Variants in MAML3 observed in about 807,000 individuals in gnomAD.
MAML3 encodes the protein mastermind like transcriptional coactivator 3, also known as mastermind-like protein 3.
MAML3 carries 27 observed loss-of-function variants against 101.9 expected under a neutral mutation model. That is an observed-to-expected ratio of 0.27 (90% CI 0.20 to 0.37). The LOEUF (loss-of-function observed/expected upper bound fraction) is 0.37, where lower values mean the gene tolerates loss of function less well. Ranked by LOEUF, MAML3 falls within the 10% of genes least tolerant of loss-of-function variation. The pLI is 1.00. For synonymous variants in MAML3, 501 were observed against 555.9 expected (o/e 0.90, Z 1.39); for missense variants, 1,316 against 1,444.9 (o/e 0.91, Z 1.45).
At chr4:140,049,136 C>G (rs1442187856) in intron 1 of MAML3, among the ~76,000 whole-genome samples, 1 of 152,148 alleles carries the variant, frequency 6.6e-6, no homozygotes, top group African/African-American at 2.4e-5. Flanking sequence ...AGAGAAGCTA[C>G]CACTCCTTTT....
At chr4:139,918,424 G>A (rs570317882) in intron 1 of MAML3, among the ~76,000 whole-genome samples, 108 of 152,196 alleles carry the variant, frequency 7.1e-4, no homozygotes, top group Admixed American at 3.5e-3. Flanking sequence ...CGTGGAACAC[G>A]CTTATCCCAG....
intron 1 of MAML3, among the ~76,000 whole-genome samples, chr4:140,001,401 A>G (rs1388628220): frequency 6.6e-6 from 1 of 152,230 alleles, no homozygotes; most frequent in Middle Eastern, 3.2e-3. Context: ...CAGTAAAAGA[A>G]GAGCCAAGTG....
intron 2 of MAML3, among the ~76,000 whole-genome samples, chr4:139,850,102 C>T (rs917720212): frequency 1.3e-5 from 2 of 152,024 alleles, no homozygotes; most frequent in Admixed American, 6.6e-5. Flanking sequence ...CAGTATATTT[C>T]CCCCCCTACA....
At chr4:139,748,498 A>G (rs1729394191) in intron 2 of MAML3, among the ~76,000 whole-genome samples, 1 of 152,202 alleles carries the variant, frequency 6.6e-6, no homozygotes, top group Non-Finnish European at 1.5e-5. Flanking sequence ...GAACAGGACA[A>G]AATGCATCAG....
At position 139,876,507 on chromosome 4, in the gene MAML3, G is replaced by C. The variant is rs998580473; in HGVS notation, c.2079+12850C>G. On this transcript the variant is annotated intron_variant, in intron 2 of 4. Coordinates refer to ENST00000509479, the MANE Select transcript of MAML3 (RefSeq NM_018717.5). ...TACCAGGAAGGCTGCAATACACTCA[G>C]ATGTGAATCGCCTCCTGTTCCAGGG... Among the ~76,000 whole-genome samples the C allele has an allele frequency of 3.3e-5, 5 of 152,346 alleles. No homozygotes were observed. The South Asian group carries it at 1.0e-3, about 32-fold the overall frequency.
At chr4:140,051,852 G>A (rs932334360) in intron 1 of MAML3, among the ~76,000 whole-genome samples, 1 of 152,100 alleles carries the variant, frequency 6.6e-6, no homozygotes, top group Non-Finnish European at 1.5e-5. Context: ...GCTAGTGGAG[G>A]CGCCGGGATA....
intron 1 of MAML3, among the ~76,000 whole-genome samples, chr4:139,977,342 T>C (rs1432068046): frequency 3.9e-5 from 6 of 152,106 alleles, no homozygotes; most frequent in African/African-American, 1.4e-4. Flanking sequence ...AAAATGCTGA[T>C]AGTGCCGAGG....
intron 1 of MAML3, among the ~76,000 whole-genome samples, chr4:139,984,359 T>A (rs1436329018): frequency 6.6e-6 from 1 of 152,088 alleles, no homozygotes; most frequent in Non-Finnish European, 1.5e-5. Context: ...GTAACCAAGG[T>A]GCTAAAATTA....
At chr4:140,123,057 G>T (rs1394959584) in intron 1 of MAML3, among the ~76,000 whole-genome samples, 1 of 149,900 alleles carries the variant, frequency 6.7e-6, no homozygotes, top group Non-Finnish European at 1.5e-5. Flanking sequence ...TAGAAATTCT[G>T]AGCATTTCAA....
At chr4:139,958,311 C>A (rs1169374061) in intron 1 of MAML3, among the ~76,000 whole-genome samples, 1 of 152,192 alleles carries the variant, frequency 6.6e-6, no homozygotes, top group Non-Finnish European at 1.5e-5. Context: ...TCTCTGAATT[C>A]TGTCATCATT....
At chr4:140,087,388 T>TA (rs1371904409) in intron 1 of MAML3, among the ~76,000 whole-genome samples, 1 of 152,240 alleles carries the variant, frequency 6.6e-6, no homozygotes, top group Admixed American at 6.5e-5. Context: ...GACATTCTGT[T>TA]ATTTGGGAAT....
At chr4:140,040,246 G>A (rs1397484309) in intron 1 of MAML3, among the ~76,000 whole-genome samples, 1 of 152,208 alleles carries the variant, frequency 6.6e-6, no homozygotes, top group Non-Finnish European at 1.5e-5. Flanking sequence ...AGTGTTGAGA[G>A]CAGCTCCAAT....
intron 1 of MAML3, among the ~76,000 whole-genome samples, chr4:140,143,295 C>G (rs1015140710): frequency 6.6e-6 from 1 of 152,152 alleles, no homozygotes; most frequent in African/African-American, 2.4e-5. Flanking sequence ...GGCTTGTGCA[C>G]GAGTGAAATA....
intron 1 of MAML3, among the ~76,000 whole-genome samples, chr4:139,935,067 A>T (rs1454962626): frequency 6.6e-6 from 1 of 152,106 alleles, no homozygotes; most frequent in African/African-American, 2.4e-5. Context: ...TATCCACTCA[A>T]TTAGAAGGTA....
chr4:139,762,822 G>A (rs953571828), intron 2 of MAML3, among the ~76,000 whole-genome samples: 2 of 152,190 alleles, frequency 1.3e-5, no homozygotes, highest in African/African-American at 4.8e-5. Flanking sequence ...ATCTGACGGG[G>A]CTTTAATCTG....
chr4:139,990,466 A>G (rs1420131587), intron 1 of MAML3, among the ~76,000 whole-genome samples: 1 of 131,930 alleles, frequency 7.6e-6, no homozygotes, highest in Non-Finnish European at 1.7e-5. Flanking sequence ...CAAAAACTGG[A>G]AGCATTCCCT....
At chr4:140,144,836 C>A (rs1436561817) in intron 1 of MAML3, among the ~76,000 whole-genome samples, 1 of 152,212 alleles carries the variant, frequency 6.6e-6, no homozygotes, top group Non-Finnish European at 1.5e-5. Flanking sequence ...GATATCCATT[C>A]TAGGTGATGC....
At position 140,027,956 on chromosome 4, in the gene MAML3, G is replaced by A. The variant is rs1726851943; in HGVS notation, c.468+124904C>T. ...TAGATTTATGCTGTTTGTAGCTCTT[G>A]GCTCTAATACCTCATAGATGTTCAC... is the stretch of plus-strand genomic sequence containing the variant. On this transcript the variant is annotated intron_variant, in intron 1 of 4. Coordinates refer to ENST00000509479, the MANE Select transcript of MAML3 (RefSeq NM_018717.5). Among the ~76,000 whole-genome samples, 3 of 152,226 alleles carry A rather than the reference G, an allele frequency of 2.0e-5. No homozygotes were observed. In the East Asian group the frequency reaches 5.8e-4, roughly 29 times the overall value.
intron 1 of MAML3, among the ~76,000 whole-genome samples, chr4:140,004,790 G>A (rs764277681): frequency 6.6e-6 from 1 of 151,978 alleles, no homozygotes; most frequent in Non-Finnish European, 1.5e-5. Context: ...CTGCTCCCCA[G>A]TAGAGAGACA....
Sources: allele counts gnomAD v4.1 joint callset (sites outside exome capture counted in the v4.1 genomes callset), GRCh38; gene constraint gnomAD v4.1.1; transcripts MANE v1.5; gene names NCBI Gene and HGNC (gene_info 2026-07-23, HGNC 2026-07-21).